The following JARID2 variants were observed in gnomAD, a reference collection of about 807,000 sequenced individuals.
The protein encoded by JARID2 is protein Jumonji.
Under a neutral mutation model 125.6 loss-of-function variants are expected in JARID2, and 21 were observed. The observed-to-expected ratio is 0.17, with a 90% CI of 0.12 to 0.24. The LOEUF (loss-of-function observed/expected upper bound fraction) is 0.24, where lower values mean the gene tolerates loss of function less well. Among genes scored for constraint, JARID2 ranks in the 10% least tolerant of loss-of-function variants. JARID2 has a pLI of 1.00. For missense variants in JARID2, 1,303 were observed against 1,639.6 expected, an observed-to-expected ratio of 0.79 and a Z score of 3.55; for synonymous variants, 736 against 661.6, an observed-to-expected ratio of 1.11 and a Z score of -1.73.
At chr6:15,444,508 C>T (rs1767581872) in intron 3 of JARID2, among the ~76,000 whole-genome samples, 1 of 152,152 alleles carries the variant, frequency 6.6e-6, no homozygotes, top group African/African-American at 2.4e-5. Context: ...AGTGCGCACA[C>T]ACACGGGCAC....
In JARID2 at chr6:15,512,289, C is replaced by T; in HGVS notation, c.3034C>T (p.Pro1012Ser). ...GAGTGGCCAGTTTGTCGTCTGCTTC[C>T]CGGGATCCTTTGTGTCCAAAGTGTG... Reference protein sequence around the residue: ...QQSGQFVVCFPGSFVSKVCCG... With the variant: ...QQSGQFVVCFSGSFVSKVCCG... The change falls in exon 14 of 18, where the codon CCG becomes TCG. Residue 1012 changes from proline (P) to serine (S), a missense_variant. Physicochemically the swap from Pro to Ser is moderately conservative, Grantham distance 74. Around this residue, in one of 11 missense-constraint regions of JARID2, gnomAD observed 190 missense variants for 341.4 expected, o/e 0.56. Coordinates refer to ENST00000341776, the MANE Select transcript of JARID2 (RefSeq NM_004973.4). 1 of 1,614,152 alleles carries T rather than the reference C, an allele frequency of 6.2e-7. No homozygotes were observed. Among genetic ancestry groups the T allele is most frequent in the Non-Finnish European group, 8.5e-7 (1 of 1,180,032 alleles).
At chr6:15,357,612 G>A (rs542256636) in intron 1 of JARID2, among the ~76,000 whole-genome samples, 4 of 151,814 alleles carry the variant, frequency 2.6e-5, no homozygotes, top group Non-Finnish European at 4.4e-5. Context: ...TTTTTAATTC[G>A]CCAAGTTGAA....
At chr6:15,477,272 T>C (rs1769389094) in intron 5 of JARID2, among the ~76,000 whole-genome samples, 1 of 152,130 alleles carries the variant, frequency 6.6e-6, no homozygotes, top group Non-Finnish European at 1.5e-5. Context: ...AGCCCTCTCT[T>C]TGTCTGGGCG....
rs1770718311 is a variant in JARID2, at chr6:15,501,244, C to A, written c.2283C>A (p.Ile761=). The change falls in exon 8 of 18, where the codon ATC becomes ATA. Residue 761 remains isoleucine (I), a synonymous_variant. Transcript: ENST00000341776. ...GCTTCGAGCCCAAGAATGGGCTCAT[C>A]CACGGCGTGGCCCCCAGGAACGGCT... The part of the protein sequence containing the change: ...LPRFEPKNGL[I]HGVAPRNGFR... 2 of 1,613,498 alleles carry A rather than the reference C, an allele frequency of 1.2e-6. No homozygotes were observed. Among genetic ancestry groups the A allele is most frequent in the Non-Finnish European group, 8.5e-7 (1 of 1,179,642 alleles).
At chr6:15,422,649 T>G (rs577261809) in intron 3 of JARID2, among the ~76,000 whole-genome samples, 1 of 152,326 alleles carries the variant, frequency 6.6e-6, no homozygotes, top group South Asian at 2.1e-4. Flanking sequence ...CCCAAGATGG[T>G]GGCTGTGTCT....
intron 1 of JARID2, among the ~76,000 whole-genome samples, chr6:15,332,941 T>C (rs1326734596): frequency 7.6e-6 from 1 of 131,172 alleles, no homozygotes; most frequent in Non-Finnish European, 1.6e-5. Flanking sequence ...TTTTCTTTTT[T>C]TTTTTTTTTT....
At chr6:15,479,190 C>G (rs1345919270) in intron 5 of JARID2, among the ~76,000 whole-genome samples, 1 of 152,176 alleles carries the variant, frequency 6.6e-6, no homozygotes, top group Non-Finnish European at 1.5e-5. Flanking sequence ...TTTAGAGTGA[C>G]TGATGCCCAC....
chr6:15,433,921 G>GGGGTGTGT (rs1380689957), intron 3 of JARID2, among the ~76,000 whole-genome samples: 5 of 131,312 alleles, frequency 3.8e-5, no homozygotes, highest in Admixed American at 3.1e-4. Context: ...CACTCTCCAG[G>GGGGTGTGT]GTGTGTGTGT....
At chr6:15,281,582 G>C (rs934700829) in intron 1 of JARID2, among the ~76,000 whole-genome samples, 2 of 152,150 alleles carry the variant, frequency 1.3e-5, no homozygotes, top group Non-Finnish European at 2.9e-5. Flanking sequence ...CGCGTGGGGG[G>C]CCCCCCACTT....
chr6:15,306,702 A>G (rs1175911017), intron 1 of JARID2, among the ~76,000 whole-genome samples: 1 of 151,918 alleles, frequency 6.6e-6, no homozygotes, highest in Non-Finnish European at 1.5e-5. Context: ...GAAAGGGGAA[A>G]AATACCATCT....
intron 4 of JARID2, among the ~76,000 whole-genome samples, chr6:15,467,914 T>A (rs1281757503): frequency 6.6e-6 from 1 of 152,166 alleles, no homozygotes. Context: ...GGTGAGGAGA[T>A]CGGTTCCCCC....
chr6:15,459,624 T>G (rs1320549060), intron 4 of JARID2, among the ~76,000 whole-genome samples: 1 of 152,118 alleles, frequency 6.6e-6, no homozygotes, highest in Non-Finnish European at 1.5e-5. Context: ...TGGATTTAGG[T>G]GGAACTGTCT....
rs1017551582 is a variant in JARID2, at chr6:15,294,383, A to G, written c.45+47799A>G. ...AATTTTTTGTATTTTTAGTAGAGAT[A>G]GGGTTTCACCGTGTTAGCCAGGATG... On this transcript the variant is annotated intron_variant, in intron 1 of 17. Coordinates refer to ENST00000341776, the MANE Select transcript of JARID2 (RefSeq NM_004973.4). Among the ~76,000 whole-genome samples, 35 of 152,088 alleles carry G rather than the reference A, an allele frequency of 2.3e-4. 1 individual carries two copies. Among genetic ancestry groups the G allele is most frequent in the South Asian group, 2.1e-4 (1 of 4,814 alleles).
rs1771864723 is a variant in JARID2 at position 15,521,727 on chromosome 6, G to A, written c.*1476G>A. ...GTGGTGACTGCCAGGAACGTCCTATGATCCACTTTGTTGGTTGTTGTTGCA... is the reference window on the plus strand; with the variant it reads ...GTGGTGACTGCCAGGAACGTCCTATAATCCACTTTGTTGGTTGTTGTTGCA... On this transcript the variant is annotated 3_prime_UTR_variant, in exon 18 of 18. Transcript: ENST00000341776. The A allele has an allele frequency of 6.6e-6, 1 of 152,192 alleles. No individual in the cohort carries two copies. Among genetic ancestry groups the A allele is most frequent in the African/African-American group, 2.4e-5 (1 of 41,422 alleles). The allele number at this position is 152,192 out of a possible 1,614,324, so 9.4% of individuals were successfully genotyped here.
At chr6:15,403,875 C>T (rs1765540984) in intron 2 of JARID2, among the ~76,000 whole-genome samples, 1 of 152,088 alleles carries the variant, frequency 6.6e-6, no homozygotes, top group South Asian at 2.1e-4. Context: ...CCCATTCCTG[C>T]CTCCAAATCT....
intron 3 of JARID2, among the ~76,000 whole-genome samples, chr6:15,410,834 T>A (rs1200640192): frequency 6.6e-6 from 1 of 152,234 alleles, no homozygotes; most frequent in Non-Finnish European, 1.5e-5. Context: ...TTTTACCAAG[T>A]TCCAAGTTAG....
At chr6:15,396,303 C>G (rs1765215763) in intron 2 of JARID2, among the ~76,000 whole-genome samples, 2 of 152,152 alleles carry the variant, frequency 1.3e-5, no homozygotes, top group South Asian at 4.1e-4. Flanking sequence ...AACCCTTTTA[C>G]TTGTGTAATT....
chr6:15,330,434 T>G (rs906050605), intron 1 of JARID2, among the ~76,000 whole-genome samples: 1 of 152,264 alleles, frequency 6.6e-6, no homozygotes, highest in Non-Finnish European at 1.5e-5. Context: ...CACGACCACA[T>G]TACCGGAGGA....
In JARID2 at chr6:15,423,073, C is replaced by T. The variant is rs1766572409; in HGVS notation, c.323+12708C>T. On this transcript the variant is annotated intron_variant, in intron 3 of 17. Coordinates refer to ENST00000341776, the MANE Select transcript of JARID2 (RefSeq NM_004973.4). Reference sequence around the variant, plus strand: ...GGAGTGCAGTGTTACGATATCGGCACACTGTAACCTCCGCGTCCTGGGTGC... The same window carrying T: ...GGAGTGCAGTGTTACGATATCGGCATACTGTAACCTCCGCGTCCTGGGTGC... Among the ~76,000 whole-genome samples, 4 of 150,990 alleles carry T rather than the reference C, an allele frequency of 2.6e-5. No homozygotes were observed. The South Asian group carries it at 8.3e-4, about 31-fold the overall frequency.
Sources: gnomAD v4.1 joint callset for allele counts (sites outside exome capture counted in the v4.1 genomes callset) on GRCh38, gnomAD v4.1.1 for gene constraint, gnomAD v4.1.1 regional missense constraint, MANE v1.5 for transcripts, NCBI Gene and HGNC (gene_info 2026-07-23, HGNC 2026-07-21) for gene names.